The following FHIT variants were observed in gnomAD, a reference collection of about 807,000 sequenced individuals.
FHIT encodes fragile histidine triad diadenosine triphosphatase.
Under a neutral mutation model 17.9 loss-of-function variants are expected in FHIT, and 19 were observed. That is an observed-to-expected ratio of 1.06 (90% CI 0.74 to 1.56). FHIT has a LOEUF of 1.56. Ranked by LOEUF, FHIT falls within the 40% of genes most tolerant of loss-of-function variation. The pLI, the probability that FHIT is intolerant of heterozygous loss-of-function variation, is 0.00. For synonymous variants in FHIT, 81 were observed against 69.7 expected (o/e 1.16, Z -0.81); for missense variants, 248 against 189.2 (o/e 1.31, Z -1.82).
chr3:60,348,128 A>G (rs890669683), intron 5 of FHIT, among the ~76,000 whole-genome samples: 2 of 5,178 alleles, frequency 3.9e-4, no homozygotes, highest in Non-Finnish European at 6.9e-4. Flanking sequence ...GGCAAAAAGT[A>G]TACTGAAAAA....
intron 8 of FHIT, among the ~76,000 whole-genome samples, chr3:59,852,952 T>C (rs758641777): frequency 2.6e-5 from 4 of 152,220 alleles, no homozygotes; most frequent in Non-Finnish European, 5.9e-5. Flanking sequence ...GTGGCTTCCA[T>C]GTTTTGGCAA....
At chr3:60,553,374 G>A in intron 4 of FHIT, 8 of 980,524 alleles carry the variant, frequency 8.2e-6, no homozygotes, top group Non-Finnish European at 9.7e-6. Flanking sequence ...ATGTGAATCA[G>A]CAACCCCCTT....
intron 2 of FHIT, among the ~76,000 whole-genome samples, chr3:61,163,959 C>T (rs915840588): frequency 1.3e-5 from 2 of 152,088 alleles, no homozygotes; most frequent in Non-Finnish European, 1.5e-5. Flanking sequence ...CTTGCAGTTG[C>T]GTACATCAGC....
chr3:61,101,217 C>T (rs879164321), intron 2 of FHIT, among the ~76,000 whole-genome samples: 1 of 151,978 alleles, frequency 6.6e-6, no homozygotes, highest in Non-Finnish European at 1.5e-5. Flanking sequence ...GTCTTTAATC[C>T]ATCTTGAATT....
chr3:61,085,715 C>G (rs1278622240), intron 2 of FHIT, among the ~76,000 whole-genome samples: 1 of 151,974 alleles, frequency 6.6e-6, no homozygotes, highest in African/African-American at 2.4e-5. Context: ...AGTCATAAAA[C>G]CTTTCCTGTA....
At chr3:60,698,616 C>A (rs1553701263) in intron 4 of FHIT, among the ~76,000 whole-genome samples, 1 of 152,096 alleles carries the variant, frequency 6.6e-6, no homozygotes, top group African/African-American at 2.4e-5. Context: ...TCCAACAGGT[C>A]TCTCAATAGG....
intron 7 of FHIT, among the ~76,000 whole-genome samples, chr3:59,961,231 G>A (rs968719372): frequency 2.6e-5 from 4 of 152,074 alleles, no homozygotes; most frequent in Non-Finnish European, 2.9e-5. Flanking sequence ...CTGCTAGGCC[G>A]TTATGGAAAT....
At chr3:60,131,127 T>G (rs1181440848) in intron 5 of FHIT, among the ~76,000 whole-genome samples, 10 of 141,834 alleles carry the variant, frequency 7.1e-5, no homozygotes. Flanking sequence ...ATCCCTTGGA[T>G]TGGTTTCAAG....
rs553526707 is a variant in FHIT at position 60,067,076 on chromosome 3, A to C, written c.104-52924T>G. Among the ~76,000 whole-genome samples, 52 of 152,244 alleles carry C rather than the reference A, an allele frequency of 3.4e-4. 1 individual carries two copies. In the South Asian group the frequency reaches 0.011, roughly 31 times the overall value. Reference sequence around the variant, plus strand: ...AGAAAATAGATGCACCTGTCCCCCAAATGCACAGCATAAGAAGATACCCAG... The same window carrying C: ...AGAAAATAGATGCACCTGTCCCCCACATGCACAGCATAAGAAGATACCCAG... On this transcript the variant is annotated intron_variant, in intron 5 of 9. Transcript: ENST00000492590.
intron 5 of FHIT, among the ~76,000 whole-genome samples, chr3:60,437,620 A>C (rs1419381902): frequency 6.6e-6 from 1 of 152,082 alleles, no homozygotes; most frequent in Admixed American, 6.6e-5. Flanking sequence ...AATAATCATT[A>C]TATAGATTAG....
chr3:60,673,156 T>C (rs1553694451), intron 4 of FHIT, among the ~76,000 whole-genome samples: 1 of 152,132 alleles, frequency 6.6e-6, no homozygotes, highest in African/African-American at 2.4e-5. Context: ...AATATATATA[T>C]TATTCCATAT....
intron 2 of FHIT, among the ~76,000 whole-genome samples, chr3:61,066,748 C>T (rs13087160): frequency 0.54 from 82,193 of 151,802 alleles, 23,480 homozygotes; most frequent in Non-Finnish European, 0.65. Context: ...TAGTGTACCC[C>T]TGAAAGCAAA....
chr3:59,755,366 C>T (rs968807757), intron 8 of FHIT, among the ~76,000 whole-genome samples: 1 of 152,188 alleles, frequency 6.6e-6, no homozygotes, highest in Admixed American at 6.5e-5. Flanking sequence ...ATCCAGGTGA[C>T]TTGAAGACTA....
At chr3:60,623,933 A>G (rs1220722232) in intron 4 of FHIT, among the ~76,000 whole-genome samples, 1 of 152,230 alleles carries the variant, frequency 6.6e-6, no homozygotes, top group East Asian at 1.9e-4. Flanking sequence ...GCACTGTGCT[A>G]TACAACGAGT....
intron 1 of FHIT, among the ~76,000 whole-genome samples, chr3:61,234,199 T>C (rs1576272926): frequency 1.3e-5 from 2 of 152,218 alleles, no homozygotes; most frequent in South Asian, 2.1e-4. Context: ...TCGAGATCCA[T>C]AGGGGAGCAC....
Position 60,183,739 on chromosome 3 carries a change from T to A in FHIT, c.104-169587A>T, listed in dbSNP as rs184593607. On this transcript the variant is annotated intron_variant, in intron 5 of 9. Transcript: ENST00000492590. ...AAACCAAGACCAACTGTGTCCAATC[T>A]CTATTAGGGCCAGTAACTTTTACTA... is the stretch of plus-strand genomic sequence containing the variant. Among the ~76,000 whole-genome samples the A allele has an allele frequency of 2.9e-3, 437 of 152,264 alleles. 4 individuals carry two copies. Among genetic ancestry groups the A allele is most frequent in the African/African-American group, 0.01 (419 of 41,550 alleles).
chr3:60,918,076 A>G (rs190611616), intron 3 of FHIT, among the ~76,000 whole-genome samples: 2 of 152,314 alleles, frequency 1.3e-5, no homozygotes, highest in Admixed American at 1.3e-4. Flanking sequence ...TCGTGGTAGT[A>G]ATTAAGTTTC....
chr3:60,253,953 C>T (rs1199820715), intron 5 of FHIT, among the ~76,000 whole-genome samples: 2 of 152,138 alleles, frequency 1.3e-5, no homozygotes, highest in Admixed American at 6.5e-5. Flanking sequence ...CTTTTCTTTA[C>T]AACATTGTAT....
intron 3 of FHIT, among the ~76,000 whole-genome samples, chr3:60,957,633 C>T (rs966576253): frequency 6.6e-6 from 1 of 152,190 alleles, no homozygotes; most frequent in African/African-American, 2.4e-5. Flanking sequence ...CTGAAGGTAA[C>T]ACAGGCCCTC....
Sources: gnomAD v4.1 joint callset for allele counts (sites outside exome capture counted in the v4.1 genomes callset) on GRCh38, gnomAD v4.1.1 for gene constraint, MANE v1.5 for transcripts, NCBI Gene and HGNC (gene_info 2026-07-23, HGNC 2026-07-21) for gene names.